The following HMGCL variants were observed in gnomAD, a reference collection of about 807,000 sequenced individuals.
HMGCL encodes the protein hydroxymethylglutaryl-CoA lyase, mitochondrial.
A neutral mutation model predicts 37.3 loss-of-function variants in HMGCL; 26 were observed. The observed-to-expected ratio is 0.70, with a 90% CI of 0.51 to 0.97. HMGCL has a LOEUF of 0.97. Among genes scored for constraint, HMGCL ranks in the 50% least tolerant of loss-of-function variants. The pLI, the probability that HMGCL is intolerant of heterozygous loss-of-function variation, is 0.00. For missense variants in HMGCL, 379 were observed against 398.1 expected, an observed-to-expected ratio of 0.95 and a Z score of 0.41; for synonymous variants, 151 against 148.0, an observed-to-expected ratio of 1.02 and a Z score of -0.15.
At chr1:23,816,428 C>T (rs1271880347) in intron 4 of HMGCL, 7 of 560,210 alleles carry the variant, frequency 1.2e-5, no homozygotes, top group Non-Finnish European at 2.3e-5. Flanking sequence ...AAGCAATGTA[C>T]ATGCATCCTA....
chr1:23,813,707 A>G (rs1002488632), intron 5 of HMGCL: 2 of 200,752 alleles, frequency 1.0e-5, no homozygotes. Flanking sequence ...TAGATAATAC[A>G]CACACAATGC....
intron 1 of HMGCL, among the ~76,000 whole-genome samples, chr1:23,825,009 T>C (rs1396461375): frequency 1.3e-5 from 2 of 152,200 alleles, no homozygotes; most frequent in African/African-American, 4.8e-5. Context: ...AAGCGTGTTC[T>C]TGATTTTCAC....
rs1638800964 is a variant in HMGCL at position 23,825,408 on chromosome 1, G to A, written c.8C>T (p.Ala3Val). The A allele has an allele frequency of 6.4e-7, 1 of 1,558,918 alleles. No individual in the cohort carries two copies. The highest frequency in any genetic ancestry group is 8.7e-7 in the Non-Finnish European group (1 of 1,151,882). MA[A>V]MRKALPRRLV... ...TCGCCGCGGAAGCGCCTTCCTCATT[G>A]CTGCCATCTTGGCCCAGAATCCCCC... Residue 3 changes from alanine to valine, a missense_variant, in exon 1 of 9, where the codon GCA becomes GTA. Coordinates refer to ENST00000374490, the MANE Select transcript of HMGCL (RefSeq NM_000191.3).
chr1:23,817,092 G>A (rs1335946721), intron 3 of HMGCL, among the ~76,000 whole-genome samples: 1 of 152,218 alleles, frequency 6.6e-6, no homozygotes, highest in Non-Finnish European at 1.5e-5. Context: ...TCTGTGTTAA[G>A]CACTCCTTTG....
In HMGCL at chr1:23,825,273, G is replaced by A; in HGVS notation, c.60+83C>T. 3.5e-6 allele frequency: 4 copies of A among 1,151,334 alleles called. No individual in the cohort carries two copies. In the South Asian group the frequency reaches 3.9e-5, roughly 11 times the overall value. 71.3% of individuals were successfully genotyped at this position (1,151,334 alleles called of 1,614,324 possible). ...GAGCTGTCCGGCCTCGCCTCTAAGA[G>A]AGCAGTCACCACGGGCCAAGCCCCC... On this transcript the variant is annotated intron_variant, in intron 1 of 8. Transcript: ENST00000374490.
chr1:23,819,653 C>T (rs1181086101), intron 2 of HMGCL, among the ~76,000 whole-genome samples: 3 of 152,122 alleles, frequency 2.0e-5, no homozygotes, highest in Non-Finnish European at 4.4e-5. Flanking sequence ...CACTTGAACC[C>T]GGGAGGAGGA....
chr1:23,821,513 G>C (rs2148426374), intron 1 of HMGCL, among the ~76,000 whole-genome samples: 2 of 152,144 alleles, frequency 1.3e-5, no homozygotes, highest in African/African-American at 4.8e-5. Flanking sequence ...AGAAAAATTA[G>C]CCAGGTGTGG....
chr1:23,820,836 T>G (rs906115502), intron 1 of HMGCL, among the ~76,000 whole-genome samples: 1 of 152,230 alleles, frequency 6.6e-6, no homozygotes, highest in Non-Finnish European at 1.5e-5. Flanking sequence ...CCAGACTCCT[T>G]TTCCACTGCC....
Position 23,804,423 on chromosome 1 carries a change from G to C in HMGCL, c.853C>G (p.Leu285Val). 1.2e-6 allele frequency: 2 copies of C among 1,613,926 alleles called. No homozygotes were observed. The highest frequency in any genetic ancestry group is 2.2e-5 in the East Asian group (1 of 44,882). ...ACCGTGTGAATGCCCAAGCCCTCTAGCATGTAGACCAGGTCTTCTGTGGCC... is the reference window on the plus strand; with the variant it reads ...ACCGTGTGAATGCCCAAGCCCTCTACCATGTAGACCAGGTCTTCTGTGGCC... ...NLATEDLVYM[L>V]EGLGIHTGVN... The change falls in exon 8 of 9, where the codon CTA becomes GTA. Residue 285 changes from leucine to valine, a missense_variant. By Grantham distance (32) the Leu-to-Val change is conservative. Coordinates refer to ENST00000374490, the MANE Select transcript of HMGCL (RefSeq NM_000191.3).
chr1:23,824,195 T>C (rs1358748872), intron 1 of HMGCL, among the ~76,000 whole-genome samples: 2 of 152,126 alleles, frequency 1.3e-5, no homozygotes, highest in Non-Finnish European at 2.9e-5. Context: ...CTAAACCCAG[T>C]GTTAAACTAC....
intron 7 of HMGCL, 50 bp downstream of exon 7, chr1:23,808,085 T>C (rs755135558): frequency 4.5e-5 from 67 of 1,502,932 alleles, no homozygotes; most frequent in Admixed American, 1.3e-4. Context: ...GATAACAAGC[T>C]GTCCTGCCCA....
chr1:23,814,452 C>T, intron 4 of HMGCL, 114 bp from the exon 5 acceptor site: 18 of 1,177,180 alleles, frequency 1.5e-5, no homozygotes, highest in Non-Finnish European at 2.1e-5. Context: ...CTCACTGCAA[C>T]CTCCACCTCC....
intron 2 of HMGCL, among the ~76,000 whole-genome samples, chr1:23,819,006 T>TAAAAAAAAAAAAAAAAAAAAA (rs11371330): frequency 2.3e-5 from 1 of 43,120 alleles, no homozygotes; most frequent in African/African-American, 1.0e-4. Flanking sequence ...ATGGACGTGC[T>TAAAAAAAAAAAAAAAAAAAAA]AAAAAAAAAA....
chr1:23,805,154 T>C (rs1284616344), intron 7 of HMGCL, among the ~76,000 whole-genome samples: 1 of 152,058 alleles, frequency 6.6e-6, no homozygotes, highest in Non-Finnish European at 1.5e-5. Flanking sequence ...AGACCCACTG[T>C]CCCTCATGCT....
At chr1:23,813,321 G>A (rs1040219592) in intron 5 of HMGCL, among the ~76,000 whole-genome samples, 3 of 126,106 alleles carry the variant, frequency 2.4e-5, no homozygotes, top group African/African-American at 6.0e-5. Flanking sequence ...CACAACCTCC[G>A]CCTCCCAGAT....
chr1:23,816,615 G>T, intron 4 of HMGCL, 60 bp downstream of exon 4: 1 of 1,023,402 alleles, frequency 9.8e-7, no homozygotes, highest in Non-Finnish European at 1.6e-6. Flanking sequence ...CCAAGACAAG[G>T]CAGGGACCAA....
chr1:23,817,652 T>C, intron 2 of HMGCL, 69 bp from the exon 3 acceptor site: 1 of 894,770 alleles, frequency 1.1e-6, no homozygotes, highest in South Asian at 1.3e-5. Context: ...GCAGTACCTG[T>C]TAGTTCAAGT....
chr1:23,804,648 A>G, intron 7 of HMGCL, 123 bp from the exon 8 acceptor site: 3 of 1,091,680 alleles, frequency 2.7e-6, no homozygotes, highest in Non-Finnish European at 4.1e-6. Flanking sequence ...GCTTTGGCTT[A>G]TGATTCTGTT....
intron 5 of HMGCL, among the ~76,000 whole-genome samples, chr1:23,812,562 C>T (rs1259896995): frequency 6.6e-6 from 1 of 151,928 alleles, no homozygotes; most frequent in African/African-American, 2.4e-5. Context: ...TTGCCCAGGC[C>T]CAAGCCAGTC....
Sources: gnomAD v4.1 joint callset for allele counts (sites outside exome capture counted in the v4.1 genomes callset) on GRCh38, gnomAD v4.1.1 for gene constraint, MANE v1.5 for transcripts, NCBI Gene and HGNC (gene_info 2026-07-23, HGNC 2026-07-21) for gene names.